The following ACKR3 variants were observed in gnomAD, a reference collection of about 807,000 sequenced individuals.
The protein encoded by ACKR3 is C-X-C chemokine receptor type 7.
In ACKR3, 6 loss-of-function variants were observed where a neutral mutation model predicts 22.4. That is an observed-to-expected ratio of 0.27 (90% confidence interval 0.15 to 0.53). The LOEUF (loss-of-function observed/expected upper bound fraction) is 0.53. Ranked by LOEUF, ACKR3 falls within the 20% of genes least tolerant of loss-of-function variation. The pLI is 0.96. For synonymous variants in ACKR3, 209 were observed against 205.2 expected, an observed-to-expected ratio of 1.02 and a Z score of -0.16; for missense variants, 396 against 475.2, an observed-to-expected ratio of 0.83 and a Z score of 1.55.
intron 1 of ACKR3, among the ~76,000 whole-genome samples, chr2:236,578,365 T>A (rs902248827): frequency 6.6e-6 from 1 of 152,196 alleles, no homozygotes; most frequent in Non-Finnish European, 1.5e-5. Context: ...ATGGGCAGCC[T>A]CCCATGCTTG....
At position 236,577,026 on chromosome 2, in the gene ACKR3, G is replaced by A. The variant is rs1354099205; in HGVS notation, c.-26-3414G>A. Among the ~76,000 whole-genome samples, 2 of 152,204 alleles carry A rather than the reference G, an allele frequency of 1.3e-5. No homozygotes were observed. Among genetic ancestry groups the A allele is most frequent in the Non-Finnish European group, 2.9e-5 (2 of 68,036 alleles). Reference sequence around the variant, plus strand: ...GGTGGGAAGGGAGAGGCCCGTCCAGGCCCCGAGAGGAAAGCAGGTGGTCAG... The same window carrying A: ...GGTGGGAAGGGAGAGGCCCGTCCAGACCCCGAGAGGAAAGCAGGTGGTCAG... On this transcript the variant is annotated intron_variant, in intron 1 of 1. Transcript: ENST00000272928. This position sits in a 1 kb window ranked among gnomAD's most constrained non-coding sequence, Gnocchi z 5.6.
chr2:236,579,970 G>A (rs1691485408), intron 1 of ACKR3, among the ~76,000 whole-genome samples: 1 of 152,218 alleles, frequency 6.6e-6, no homozygotes, highest in South Asian at 2.1e-4. Context: ...ACCAAAGCAG[G>A]ACACTTGTAA....
intron 1 of ACKR3, among the ~76,000 whole-genome samples, chr2:236,578,534 C>A (rs1475992869): frequency 6.6e-6 from 1 of 152,206 alleles, no homozygotes; most frequent in East Asian, 1.9e-4. Context: ...GGAGGCCCAG[C>A]CCTTTCTGTC....
At chr2:236,553,179 A>C in the ACKR3 span, among the ~76,000 whole-genome samples, 2 of 148,560 alleles carry the variant, frequency 1.3e-5, no homozygotes, top group Admixed American at 1.3e-4. Context: ...GTGGGAGAGC[A>C]GGTGATATCC....
At chr2:236,571,395 C>G (rs1406833858) in intron 1 of ACKR3, among the ~76,000 whole-genome samples, 3 of 152,182 alleles carry the variant, frequency 2.0e-5, no homozygotes, top group Admixed American at 2.0e-4. Context: ...GGAGAAATGG[C>G]TGCAGTTTGC....
the ACKR3 span, among the ~76,000 whole-genome samples, chr2:236,549,225 C>G: frequency 6.6e-6 from 1 of 152,216 alleles, no homozygotes. The surrounding 1 kb of genome is among the most constrained non-coding windows in gnomAD (Gnocchi z 5.3). Flanking sequence ...CCTGCAGACC[C>G]AAAGGTAGAG....
chr2:236,580,354 A>G (rs1691492673), intron 1 of ACKR3, 86 bp from the exon 2 acceptor site: 3 of 1,465,038 alleles, frequency 2.0e-6, no homozygotes, highest in East Asian at 2.3e-5. Flanking sequence ...AGGGCCTTGG[A>G]AAAGCATTTT....
chr2:236,566,688 C>T (rs1051384572), upstream of ACKR3, among the ~76,000 whole-genome samples: 1 of 141,820 alleles, frequency 7.1e-6, no homozygotes, highest in Non-Finnish European at 1.5e-5. Flanking sequence ...ACTGCTTGCT[C>T]GGGTCTGTCC....
intron 1 of ACKR3, among the ~76,000 whole-genome samples, chr2:236,579,782 C>T (rs1013606151): frequency 1.3e-5 from 2 of 152,174 alleles, no homozygotes; most frequent in African/African-American, 2.4e-5. Context: ...AGGTTTGGGG[C>T]GCAGTTAAGC....
At chr2:236,542,979 C>A in the ACKR3 span, among the ~76,000 whole-genome samples, 1 of 90,966 alleles carries the variant, frequency 1.1e-5, no homozygotes. Flanking sequence ...GTCAAGGCTA[C>A]AAAGAATGTG....
the ACKR3 span, among the ~76,000 whole-genome samples, chr2:236,537,298 T>C: frequency 6.6e-6 from 1 of 152,128 alleles, no homozygotes; most frequent in Non-Finnish European, 1.5e-5. Context: ...CCTGCCTTGG[T>C]CCTAAGTGTG....
the ACKR3 span, among the ~76,000 whole-genome samples, chr2:236,538,955 C>A: frequency 1.3e-5 from 2 of 152,116 alleles, no homozygotes; most frequent in Non-Finnish European, 2.9e-5. Context: ...TGTTGGCTCA[C>A]CTTTCTGGTC....
At chr2:236,551,535 GTC>G in the ACKR3 span, among the ~76,000 whole-genome samples, 2 of 152,152 alleles carry the variant, frequency 1.3e-5, no homozygotes, top group African/African-American at 4.8e-5. Flanking sequence ...AGTGTGTATT[GTC>G]TCTGTGGGAA....
chr2:236,581,216 C>T lies in ACKR3; in HGVS notation c.751C>T (p.Arg251Trp), dbSNP rs201845893. The change falls in exon 2 of 2, where the codon CGG (arginine) becomes TGG (tryptophan). Residue 251 changes from arginine (R) to tryptophan (W), a missense_variant. Physicochemically the swap from Arg to Trp is moderately radical, Grantham distance 101 (BLOSUM62 -3). Coordinates refer to ENST00000272928, the MANE Select transcript of ACKR3 (RefSeq NM_020311.3). The surrounding 1 kb of genome is among the most constrained non-coding windows in gnomAD (Gnocchi z 4.4). ...ASSDQEKHSS[R>W]KIIFSYVVVF... Reference sequence around the variant, plus strand: ...CAGTGACCAGGAGAAGCACAGCAGCCGGAAGATCATCTTCTCCTACGTGGT... The same window carrying T: ...CAGTGACCAGGAGAAGCACAGCAGCTGGAAGATCATCTTCTCCTACGTGGT... 16 of 1,613,880 alleles carry T rather than the reference C, an allele frequency of 9.9e-6. No homozygotes were observed. Among genetic ancestry groups the T allele is most frequent in the Admixed American group, 3.3e-5 (2 of 59,998 alleles).
the ACKR3 span, among the ~76,000 whole-genome samples, chr2:236,554,221 T>C: frequency 6.6e-6 from 1 of 152,312 alleles, no homozygotes; most frequent in Admixed American, 6.5e-5. Context: ...ATGCATCTTA[T>C]ACAAATATGT....
At chr2:236,554,200 A>G in the ACKR3 span, among the ~76,000 whole-genome samples, 13 of 152,222 alleles carry the variant, frequency 8.5e-5, no homozygotes, top group Non-Finnish European at 1.8e-4. Context: ...TCGAGGGGTT[A>G]TTAACTCTTC....
upstream of ACKR3, among the ~76,000 whole-genome samples, chr2:236,566,097 G>A (rs1031069744): frequency 1.3e-5 from 2 of 152,200 alleles, no homozygotes; most frequent in Non-Finnish European, 2.9e-5. Flanking sequence ...GCTCTGGCCC[G>A]CCAGGATCCT....
chr2:236,563,699 G>A (rs1462012775), upstream of ACKR3, among the ~76,000 whole-genome samples: 1 of 152,168 alleles, frequency 6.6e-6, no homozygotes, highest in East Asian at 1.9e-4. Flanking sequence ...AGACAGTGCG[G>A]TGGATACTGG....
chr2:236,539,933 A>T, the ACKR3 span, among the ~76,000 whole-genome samples: 222 of 152,308 alleles, frequency 1.5e-3, no homozygotes, highest in African/African-American at 5.2e-3. Flanking sequence ...CATGAGATTT[A>T]TTCACTACCA....
Sources: allele counts gnomAD v4.1 joint callset (sites outside exome capture counted in the v4.1 genomes callset), GRCh38; gene constraint gnomAD v4.1.1; non-coding constraint Gnocchi (gnomAD v3.1); transcripts MANE v1.5; gene names NCBI Gene and HGNC (gene_info 2026-07-23, HGNC 2026-07-21).